Variants in ZMYND15 observed in about 807,000 individuals in gnomAD.
ZMYND15 encodes zinc finger MYND domain-containing protein 15.
A neutral mutation model predicts 81.7 loss-of-function variants in ZMYND15; 54 were observed. The observed-to-expected ratio is 0.66, with a 90% CI of 0.53 to 0.83. The LOEUF is 0.83. ZMYND15 is among the 40% of genes least tolerant of loss of function. ZMYND15 has a pLI of 0.00. For missense variants in ZMYND15, 925 were observed against 973.5 expected, an observed-to-expected ratio of 0.95 and a Z score of 0.66; for synonymous variants, 399 against 387.0, an observed-to-expected ratio of 1.03 and a Z score of -0.36.
At chr17:4,742,172 C>A in intron 4 of ZMYND15, 102 bp downstream of exon 4, 1 of 1,558,544 alleles carries the variant, frequency 6.4e-7, no homozygotes, top group Non-Finnish European at 8.7e-7. Context: ...GAGGCAGGGA[C>A]ATGAGAAGAT....
Position 4,741,154 on chromosome 17 carries a change from G to A in ZMYND15, c.592+14G>A, listed in dbSNP as rs1031069450. Reference sequence around the variant, plus strand: ...GACAGAGGAGTGGTAAGAACCCAGGGCTGGCCCTGCCCTACCCCTTGCCCA... The same window carrying A: ...GACAGAGGAGTGGTAAGAACCCAGGACTGGCCCTGCCCTACCCCTTGCCCA... On this transcript the variant is annotated intron_variant, in intron 2 of 13. Transcript: ENST00000433935. The A allele has an allele frequency of 2.8e-6, 4 of 1,436,036 alleles. No individual in the cohort carries two copies. The African/African-American group carries it at 5.8e-5, about 21-fold the overall frequency. 89.0% of individuals were successfully genotyped at this position (1,436,036 alleles called of 1,614,324 possible). A position where few individuals can be genotyped will look rare whatever the true frequency, so the allele number is the denominator to read the frequency against.
At position 4,745,282 on chromosome 17, in the gene ZMYND15, T is replaced by A. The variant is rs371475154; in HGVS notation, c.1964T>A (p.Met655Lys). The change falls in exon 13 of 14, where the codon ATG (methionine) becomes AAG (lysine). Residue 655 changes from methionine (M) to lysine (K), a missense_variant. Physicochemically the swap from Met to Lys is moderately conservative, Grantham distance 95. Transcript: ENST00000433935. This position sits in a 1 kb window ranked among gnomAD's most constrained non-coding sequence, Gnocchi z 5.2. ...AGCTGTGTGATGGACGGCCAGACCA[T>A]GGCGGTGGCCACTGGAGGGGGCACC... Reference protein sequence around the residue: ...EYSCVMDGQTMAVATGGGTSP... With the variant: ...EYSCVMDGQTKAVATGGGTSP... 1.6e-5 allele frequency: 26 copies of A among 1,613,642 alleles called. No homozygotes were observed. The highest frequency in any genetic ancestry group is 2.2e-5 in the East Asian group (1 of 44,794).
Position 4,745,880 on chromosome 17 carries a change from C to T in ZMYND15, c.2119C>T (p.Pro707Ser), listed in dbSNP as rs1448102706. The change falls in exon 14 of 14, where the codon CCG (proline) becomes TCG (serine). Residue 707 changes from proline (P) to serine (S), a missense_variant. Physicochemically the swap from Pro to Ser is moderately conservative, Grantham distance 74. Transcript: ENST00000433935. The surrounding 1 kb of genome is among the most constrained non-coding windows in gnomAD (Gnocchi z 5.2). ...GCCTGCTCAAGGGAGCGGGGCCCGC[C>T]CGGCGCCCGGGCCCCCACCCCCATC... ...YKPAQGSGAR[P>S]APGPPPPSPT... 1.9e-6 allele frequency: 3 copies of T among 1,573,024 alleles called. No homozygotes were observed. Among genetic ancestry groups the T allele is most frequent in the Non-Finnish European group, 2.6e-6 (3 of 1,161,714 alleles).
In ZMYND15 at chr17:4,745,670, G is replaced by C; in HGVS notation, c.2058-149G>C. The C allele has an allele frequency of 1.6e-6, 1 of 606,230 alleles. No homozygotes were observed. Among genetic ancestry groups the C allele is most frequent in the Non-Finnish European group, 2.8e-6 (1 of 357,366 alleles). 37.6% of individuals were successfully genotyped at this position (606,230 alleles called of 1,614,324 possible). A position where few individuals can be genotyped will look rare whatever the true frequency, so the allele number is the denominator to read the frequency against. ...CTAGCCCCACGCCCTGGAACTCAGA[G>C]GGGCAAGCCCCGCCCCCTGGTCCCT... is the stretch of plus-strand genomic sequence containing the variant. On this transcript the variant is annotated intron_variant, in intron 13 of 13. Transcript: ENST00000433935. This position sits in a 1 kb window ranked among gnomAD's most constrained non-coding sequence, Gnocchi z 5.2.
Position 4,744,506 on chromosome 17 carries a change from CT to C in ZMYND15, c.1683+40del, listed in dbSNP as rs778111788. The C allele has an allele frequency of 1.2e-6, 2 of 1,611,688 alleles. No homozygotes were observed. Among genetic ancestry groups the C allele is most frequent in the Admixed American group, 3.3e-5 (2 of 59,926 alleles). Reference sequence around the variant, plus strand: ...GGGCCCTGCTTTTCAGCCCTGACCCCTCCAGTGACCTCCTGGTTGGGTCCTG... The same window carrying C: ...GGGCCCTGCTTTTCAGCCCTGACCCCCCAGTGACCTCCTGGTTGGGTCCTG... On this transcript the variant is annotated intron_variant, in intron 10 of 13. Transcript: ENST00000433935. The surrounding 1 kb of genome is among the most constrained non-coding windows in gnomAD (Gnocchi z 4.1).
At chr17:4,740,431 A>C in intron 1 of ZMYND15, 88 bp from the exon 2 acceptor site, 1 of 1,421,076 alleles carries the variant, frequency 7.0e-7, no homozygotes, top group Non-Finnish European at 9.2e-7. Context: ...GTGACTCTCA[A>C]ACCTACCCTC....
chr17:4,742,861 C>G (rs563739971), intron 5 of ZMYND15, among the ~76,000 whole-genome samples: 1 of 152,154 alleles, frequency 6.6e-6, no homozygotes, highest in African/African-American at 2.4e-5. Context: ...ATTATCTTGG[C>G]TTGGTGCCTG....
At chr17:4,741,246 C>A in intron 2 of ZMYND15, 106 bp downstream of exon 2, 2 of 1,282,574 alleles carry the variant, frequency 1.6e-6, no homozygotes, top group South Asian at 2.2e-5. Flanking sequence ...GCCAATCTGG[C>A]CTGAAAAGGT....
Position 4,744,147 on chromosome 17 carries a change from G to T in ZMYND15, c.1495+40G>T, listed in dbSNP as rs1016717076. ...GTGGGGGGTGGAGCAGGATGGGGGA[G>T]TGAGAGTGGACCACATCCTTAAAGC... On this transcript the variant is annotated intron_variant, in intron 8 of 13. Coordinates refer to ENST00000433935, the MANE Select transcript of ZMYND15 (RefSeq NM_001136046.3). This position sits in a 1 kb window ranked among gnomAD's most constrained non-coding sequence, Gnocchi z 4.1. 1 of 1,612,916 alleles carries T rather than the reference G, an allele frequency of 6.2e-7. No homozygotes were observed. The highest frequency in any genetic ancestry group is 8.5e-7 in the Non-Finnish European group (1 of 1,179,248).
At position 4,739,951 on chromosome 17, in the gene ZMYND15, C is replaced by G; in HGVS notation, c.-130C>G. On this transcript the variant is annotated 5_prime_UTR_variant, in exon 1 of 14. Transcript: ENST00000433935. This position sits in a 1 kb window ranked among gnomAD's most constrained non-coding sequence, Gnocchi z 5.3. Reference sequence around the variant, plus strand: ...ACCGAGCCCGGGGGGCGTGGCCGCCCGCTGAGCCGGCGAGGGCTCGGGCAG... The same window carrying G: ...ACCGAGCCCGGGGGGCGTGGCCGCCGGCTGAGCCGGCGAGGGCTCGGGCAG... 1.0e-6 allele frequency: 1 copy of G among 985,288 alleles called. No individual in the cohort carries two copies. The allele number at this position is 985,288 out of a possible 1,614,324, so 61.0% of individuals were successfully genotyped here.
chr17:4,740,528 G>C lies in ZMYND15; in HGVS notation c.-21G>C, dbSNP rs763465783. On this transcript the variant is annotated 5_prime_UTR_variant, in exon 2 of 14. Coordinates refer to ENST00000433935, the MANE Select transcript of ZMYND15 (RefSeq NM_001136046.3). ...CCCTTCTTTTGCTCAGTCTGGGCCGGGGCCCTGTGCCGCTGAAGACATGGA... is the reference window on the plus strand; with the variant it reads ...CCCTTCTTTTGCTCAGTCTGGGCCGCGGCCCTGTGCCGCTGAAGACATGGA... The C allele has an allele frequency of 1.9e-5, 29 of 1,567,158 alleles. No homozygotes were observed. Among genetic ancestry groups the C allele is most frequent in the Non-Finnish European group, 2.5e-5 (29 of 1,152,440 alleles).
Position 4,739,913 on chromosome 17 carries a change from C to A in ZMYND15, c.-168C>A. 3 of 985,336 alleles carry A rather than the reference C, an allele frequency of 3.0e-6. No individual in the cohort carries two copies. The highest frequency in any genetic ancestry group is 3.6e-6 in the Non-Finnish European group (3 of 830,018). The allele number at this position is 985,336 out of a possible 1,614,324, so 61.0% of individuals were successfully genotyped here. Reference sequence around the variant, plus strand: ...CGGCCGCGCGCACCTGCGGGGCAGCCACCCGCGGACGCACCGAGCCCGGGG... The same window carrying A: ...CGGCCGCGCGCACCTGCGGGGCAGCAACCCGCGGACGCACCGAGCCCGGGG... On this transcript the variant is annotated 5_prime_UTR_variant, in exon 1 of 14. Transcript: ENST00000433935. The surrounding 1 kb of genome is among the most constrained non-coding windows in gnomAD (Gnocchi z 5.3).
At position 4,743,544 on chromosome 17, in the gene ZMYND15, T is replaced by G. The variant is rs1474067829; in HGVS notation, c.1297+89T>G. On this transcript the variant is annotated intron_variant, in intron 6 of 13. Coordinates refer to ENST00000433935, the MANE Select transcript of ZMYND15 (RefSeq NM_001136046.3). This position sits in a 1 kb window ranked among gnomAD's most constrained non-coding sequence, Gnocchi z 4.3. Reference sequence around the variant, plus strand: ...CTGGGTCCCAGATGATCCCTCCACATACACACTGACCCCTACCAACAGCAC... The same window carrying G: ...CTGGGTCCCAGATGATCCCTCCACAGACACACTGACCCCTACCAACAGCAC... 6.4e-7 allele frequency: 1 copy of G among 1,552,178 alleles called. No homozygotes were observed. The highest frequency in any genetic ancestry group is 1.4e-5 in the African/African-American group (1 of 73,470).
Position 4,744,336 on chromosome 17 carries a change from G to T in ZMYND15, c.1585-33G>T, listed in dbSNP as rs1407688087. On this transcript the variant is annotated intron_variant, in intron 9 of 13. Transcript: ENST00000433935. This position sits in a 1 kb window ranked among gnomAD's most constrained non-coding sequence, Gnocchi z 4.1. ...TTGGTATGGGGGTGGGCACAGGGTA[G>T]ACCCCAGATCTTTCTTTCTTTCTGT... The T allele has an allele frequency of 1.2e-6, 2 of 1,613,620 alleles. No homozygotes were observed. The highest frequency in any genetic ancestry group is 1.7e-6 in the Non-Finnish European group (2 of 1,179,628).
chr17:4,745,157 T>C lies in ZMYND15; in HGVS notation c.1897-58T>C. On this transcript the variant is annotated intron_variant, in intron 12 of 13. Coordinates refer to ENST00000433935, the MANE Select transcript of ZMYND15 (RefSeq NM_001136046.3). This position sits in a 1 kb window ranked among gnomAD's most constrained non-coding sequence, Gnocchi z 5.2. ...CGGCTTTCAGCCCGGTCTGTCATTCTGGCTGCTGGGATGGATTTGGGGAGG... is the reference window on the plus strand; with the variant it reads ...CGGCTTTCAGCCCGGTCTGTCATTCCGGCTGCTGGGATGGATTTGGGGAGG... 5 of 1,612,554 alleles carry C rather than the reference T, an allele frequency of 3.1e-6. No individual in the cohort carries two copies. The highest frequency in any genetic ancestry group is 4.2e-6 in the Non-Finnish European group (5 of 1,179,222).
rs750437504 is a variant in ZMYND15, at chr17:4,744,218, G to A, written c.1524G>A (p.Gln508=). Residue 508 remains glutamine, a synonymous_variant, in exon 9 of 14, where the codon CAG becomes CAA. Coordinates refer to ENST00000433935, the MANE Select transcript of ZMYND15 (RefSeq NM_001136046.3). The surrounding 1 kb of genome is among the most constrained non-coding windows in gnomAD (Gnocchi z 4.1). ...CTGAGCTCAACATCCAAAACAAACA[G>A]TCACTGAAGATCCACGTGGTGGAGG... The part of the protein sequence containing the change: ...SFPELNIQNK[Q]SLKIHVVEAG... The A allele has an allele frequency of 3.7e-6, 6 of 1,614,120 alleles. No individual in the cohort carries two copies. The highest frequency in any genetic ancestry group is 5.1e-6 in the Non-Finnish European group (6 of 1,180,012).
rs778733030 is a variant in ZMYND15, at chr17:4,744,354, C to T, written c.1585-15C>T. ...CAGGGTAGACCCCAGATCTTTCTTT[C>T]TTTCTGTCCTTCAGGAGCTTTTGGT... On this transcript the variant is annotated splice_polypyrimidine_tract_variant and intron_variant, in intron 9 of 13. Transcript: ENST00000433935. This position sits in a 1 kb window ranked among gnomAD's most constrained non-coding sequence, Gnocchi z 4.1. The T allele has an allele frequency of 1.5e-5, 25 of 1,613,968 alleles. No individual in the cohort carries two copies. Among genetic ancestry groups the T allele is most frequent in the Non-Finnish European group, 2.0e-5 (24 of 1,179,996 alleles).
At position 4,742,073 on chromosome 17, in the gene ZMYND15, G is replaced by A. The variant is rs772246969; in HGVS notation, c.983+3G>A. ...TTTGAAGCGAAGCTGACACCTTGGT[G>A]AGCAGCCCCAAAGCTGGGGGAGAGG... On this transcript the variant is annotated splice_donor_region_variant and intron_variant, in intron 4 of 13. Transcript: ENST00000433935. 3.1e-6 allele frequency: 5 copies of A among 1,613,980 alleles called. No homozygotes were observed. In the Admixed American group the frequency reaches 6.7e-5, roughly 22 times the overall value.
Position 4,745,421 on chromosome 17 carries a change from T to C in ZMYND15, c.2057+46T>C. The stretch of plus-strand genomic sequence containing the variant: ...TTCCTTCCTGACCCTTAACTTCTCT[T>C]ACTCTCTGGCTCCACATCCTCGAAG... On this transcript the variant is annotated intron_variant, in intron 13 of 13. Coordinates refer to ENST00000433935, the MANE Select transcript of ZMYND15 (RefSeq NM_001136046.3). This position sits in a 1 kb window ranked among gnomAD's most constrained non-coding sequence, Gnocchi z 5.2. 6.5e-7 allele frequency: 1 copy of C among 1,547,844 alleles called. No individual in the cohort carries two copies. Among genetic ancestry groups the C allele is most frequent in the Non-Finnish European group, 8.7e-7 (1 of 1,148,188 alleles).
Sources: allele counts gnomAD v4.1 joint callset (sites outside exome capture counted in the v4.1 genomes callset), GRCh38; gene constraint gnomAD v4.1.1; non-coding constraint Gnocchi (gnomAD v3.1); transcripts MANE v1.5; gene names NCBI Gene and HGNC (gene_info 2026-07-23, HGNC 2026-07-21).